Variants in USP35 observed in about 807,000 individuals in gnomAD.
The protein encoded by USP35 is ubiquitin carboxyl-terminal hydrolase 35.
USP35 carries 69 observed loss-of-function variants against 83.8 expected under a neutral mutation model. That is an observed-to-expected ratio of 0.82 (90% CI 0.68 to 1.01). USP35 has a LOEUF of 1.01. USP35 is among the 50% of genes least tolerant of loss of function. The probability of loss-of-function intolerance (pLI) is 0.00; values close to 1 mark genes in which losing one functional copy is unlikely to be tolerated. For missense variants in USP35, 1,503 were observed against 1,362.5 expected (o/e 1.10, Z -1.62); for synonymous variants, 714 against 589.5 (o/e 1.21, Z -3.06).
In USP35 at chr11:78,209,910, G is replaced by A. The variant is rs1408414151; in HGVS notation, c.2055G>A (p.Glu685=). 1.3e-6 allele frequency: 2 copies of A among 1,599,834 alleles called. No homozygotes were observed. The highest frequency in any genetic ancestry group is 1.7e-6 in the Non-Finnish European group (2 of 1,172,540). The change falls in exon 10 of 11, where the codon GAG becomes GAA. Residue 685 remains glutamate (E), a synonymous_variant. Coordinates refer to ENST00000529308, the MANE Select transcript of USP35 (RefSeq NM_020798.4). ...TAGAGAGGGAGGAAGAAGGGAAGGA[G>A]GAGAGAACGGAGAAGGAAGAAGTGG... The part of the protein sequence containing the change: ...ERIEREEEGK[E]ERTEKEEVGE...
At chr11:78,206,530 C>T (rs577645071) in intron 7 of USP35, among the ~76,000 whole-genome samples, 1 of 152,292 alleles carries the variant, frequency 6.6e-6, no homozygotes, top group East Asian at 1.9e-4. Flanking sequence ...TTTCTTTTCT[C>T]TGAGCGTCAG....
At chr11:78,226,906 G>A in the USP35 span, 7 of 1,613,918 alleles carry the variant, frequency 4.3e-6, no homozygotes, top group African/African-American at 2.7e-5. Flanking sequence ...GTATTGTGCC[G>A]GCTCGGCTTG....
At chr11:78,220,977 C>G in the USP35 span, among the ~76,000 whole-genome samples, 1 of 152,354 alleles carries the variant, frequency 6.6e-6, no homozygotes, top group East Asian at 1.9e-4. Flanking sequence ...CTTGCTCCCC[C>G]GCCTAGCTCC....
At position 78,196,952 on chromosome 11, in the gene USP35, G is replaced by GC. The variant is rs1863171170; in HGVS notation, c.673+35dup. ...GCGGCCGGGGCAGGAGCGCGGGCAT[G>GC]CGGAGGTCCTGGGTGGGCGCTTGGG... is the stretch of plus-strand genomic sequence containing the variant. On this transcript the variant is annotated intron_variant, in intron 2 of 10. Coordinates refer to ENST00000529308, the MANE Select transcript of USP35 (RefSeq NM_020798.4). The surrounding 1 kb of genome is among the most constrained non-coding windows in gnomAD (Gnocchi z 4.8). The GC allele has an allele frequency of 2.8e-6, 4 of 1,433,852 alleles. No homozygotes were observed. The highest frequency in any genetic ancestry group is 3.6e-6 in the Non-Finnish European group (4 of 1,098,404). The allele number at this position is 1,433,852 out of a possible 1,614,324, so 88.8% of individuals were successfully genotyped here.
chr11:78,223,743 CT>C, the USP35 span: 1 of 1,350,096 alleles, frequency 7.4e-7, no homozygotes, highest in Non-Finnish European at 1.0e-6. Context: ...GGGGGTAAGA[CT>C]TTGTAAATGA....
chr11:78,216,339 T>G (rs555845275), downstream of USP35: 1 of 152,230 alleles, frequency 6.6e-6, no homozygotes, highest in African/African-American at 2.4e-5. Context: ...GTAGGCTCAG[T>G]CCTCTCCAGG....
intron 1 of USP35, among the ~76,000 whole-genome samples, chr11:78,195,827 C>T (rs1863124943): frequency 1.3e-5 from 2 of 152,298 alleles, no homozygotes; most frequent in Admixed American, 6.5e-5. Context: ...AACTCCCAGG[C>T]CCAAGCGAGC....
At chr11:78,236,911 T>A in the USP35 span, among the ~76,000 whole-genome samples, 2 of 152,246 alleles carry the variant, frequency 1.3e-5, no homozygotes, top group African/African-American at 4.8e-5. Context: ...CATATAGATA[T>A]ACACACATAC....
chr11:78,229,574 A>C, the USP35 span, among the ~76,000 whole-genome samples: 2 of 152,208 alleles, frequency 1.3e-5, no homozygotes, highest in Non-Finnish European at 2.9e-5. Context: ...GGAGTCACCC[A>C]CATTATGATT....
the USP35 span, chr11:78,223,292 A>C: frequency 1.3e-6 from 1 of 763,086 alleles, no homozygotes; most frequent in South Asian, 2.8e-5. Flanking sequence ...TGAGACTCAG[A>C]TTTTACATGA....
intron 5 of USP35, among the ~76,000 whole-genome samples, 178 bp from the exon 6 acceptor site, chr11:78,200,472 G>T (rs760886331): frequency 2.0e-5 from 3 of 152,230 alleles, no homozygotes; most frequent in Non-Finnish European, 2.9e-5. Context: ...AGATCATATT[G>T]TTGGGAAAAG....
the USP35 span, among the ~76,000 whole-genome samples, chr11:78,234,170 T>TC: frequency 6.6e-6 from 1 of 152,128 alleles, no homozygotes; most frequent in Non-Finnish European, 1.5e-5. Flanking sequence ...AGTCTTGACC[T>TC]CCCCCAGGCT....
At chr11:78,215,922 C>T (rs533612481), downstream of USP35, 1 of 152,816 alleles carries the variant, frequency 6.5e-6, no homozygotes, top group South Asian at 2.1e-4. Flanking sequence ...GGAGGATGAG[C>T]TGAGCCCATG....
intron 8 of USP35, 62 bp downstream of exon 8, chr11:78,207,685 C>T (rs1863575094): frequency 3.3e-6 from 5 of 1,515,604 alleles, no homozygotes; most frequent in Admixed American, 3.4e-5. Flanking sequence ...CCGACATGGA[C>T]ACCTTTCCCT....
intron 7 of USP35, 55 bp from the exon 8 acceptor site, chr11:78,207,475 A>G (rs1863565707): frequency 6.5e-7 from 1 of 1,532,722 alleles, no homozygotes; most frequent in Non-Finnish European, 9.0e-7. Context: ...ATGGGTGACT[A>G]GAGACTCCTT....
chr11:78,208,202 CCT>C (rs1459386048), intron 8 of USP35, among the ~76,000 whole-genome samples: 2 of 152,178 alleles, frequency 1.3e-5, no homozygotes, highest in African/African-American at 4.8e-5. Flanking sequence ...AGGACCTCAT[CCT>C]CTCTTGAAGG....
chr11:78,224,417 T>G, the USP35 span, among the ~76,000 whole-genome samples: 1 of 152,120 alleles, frequency 6.6e-6, no homozygotes, highest in Non-Finnish European at 1.5e-5. Flanking sequence ...GGGCCAGTTG[T>G]GTTTCCCCAG....
chr11:78,200,278 T>C, intron 5 of USP35, 44 bp downstream of exon 5: 1 of 1,574,420 alleles, frequency 6.4e-7, no homozygotes, highest in Non-Finnish European at 8.7e-7. Flanking sequence ...CCCTGCCTGC[T>C]GCCCCTGGTA....
chr11:78,196,429 T>C lies in USP35; in HGVS notation c.184T>C (p.Cys62Arg). The C allele has an allele frequency of 7.8e-7, 1 of 1,285,652 alleles. No homozygotes were observed. Among genetic ancestry groups the C allele is most frequent in the Non-Finnish European group, 9.8e-7 (1 of 1,018,418 alleles). 79.6% of individuals were successfully genotyped at this position (1,285,652 alleles called of 1,614,324 possible). The change falls in exon 2 of 11, where the codon TGC becomes CGC. Residue 62 changes from cysteine (C) to arginine (R), a missense_variant. Cys to Arg is a radical substitution (Grantham distance 180). Transcript: ENST00000529308. This position sits in a 1 kb window ranked among gnomAD's most constrained non-coding sequence, Gnocchi z 4.8. ...GGAGGAGCTGCCGCGCCGCGTGGGCTGCCAGCTGCTGCACGTGGCCGGCCG... is the reference window on the plus strand; with the variant it reads ...GGAGGAGCTGCCGCGCCGCGTGGGCCGCCAGCTGCTGCACGTGGCCGGCCG... ...GAEELPRRVG[C>R]QLLHVAGRHH...
Sources: gnomAD v4.1 joint callset for allele counts (sites outside exome capture counted in the v4.1 genomes callset) on GRCh38, gnomAD v4.1.1 for gene constraint, Gnocchi (gnomAD v3.1) non-coding constraint, MANE v1.5 for transcripts, NCBI Gene and HGNC (gene_info 2026-07-23, HGNC 2026-07-21) for gene names.